Variants in ZNF385B observed in about 807,000 individuals in gnomAD.
The protein encoded by ZNF385B is zinc finger protein 533.
In ZNF385B, 23 loss-of-function variants were observed where a neutral mutation model predicts 39.2. The observed-to-expected ratio is 0.59, with a 90% CI of 0.42 to 0.83. The LOEUF (loss-of-function observed/expected upper bound fraction) is 0.83, where lower values mean the gene tolerates loss of function less well. ZNF385B is among the 40% of genes least tolerant of loss of function. ZNF385B has a pLI of 0.00. For synonymous variants in ZNF385B, 205 were observed against 222.6 expected, an observed-to-expected ratio of 0.92 and a Z score of 0.70; for missense variants, 552 against 598.9, an observed-to-expected ratio of 0.92 and a Z score of 0.82.
chr2:179,750,700 G>T (rs356406), intron 3 of ZNF385B, among the ~76,000 whole-genome samples: 6 of 151,956 alleles, frequency 3.9e-5, no homozygotes, highest in Non-Finnish European at 5.9e-5. Context: ...TCTATGAAAC[G>T]AGTTTTCTGA....
chr2:179,621,909 A>G (rs1356539743), intron 3 of ZNF385B, among the ~76,000 whole-genome samples: 1 of 152,182 alleles, frequency 6.6e-6, no homozygotes, highest in Non-Finnish European at 1.5e-5. Context: ...ATTACCTTCA[A>G]TTTGACAACA....
At chr2:179,714,188 G>A (rs1270751051) in intron 3 of ZNF385B, among the ~76,000 whole-genome samples, 3 of 152,034 alleles carry the variant, frequency 2.0e-5, no homozygotes, top group Admixed American at 6.6e-5. Context: ...GTAAGGGGCT[G>A]GAATAATACC....
chr2:179,751,742 AC>A (rs755212491), intron 3 of ZNF385B, among the ~76,000 whole-genome samples: 3 of 152,002 alleles, frequency 2.0e-5, no homozygotes, highest in Non-Finnish European at 2.9e-5. Context: ...ATTATGTATA[AC>A]ACTCCAACTG....
At chr2:179,806,919 A>T (rs532574960) in intron 1 of ZNF385B, among the ~76,000 whole-genome samples, 27 of 152,330 alleles carry the variant, frequency 1.8e-4, no homozygotes, top group African/African-American at 6.0e-4. Context: ...CAGAACATTT[A>T]AAAGTCTAAC....
intron 3 of ZNF385B, among the ~76,000 whole-genome samples, chr2:179,664,659 T>C (rs1039740521): frequency 2.6e-5 from 4 of 152,156 alleles, no homozygotes; most frequent in Non-Finnish European, 5.9e-5. Flanking sequence ...GTGTCTTGTA[T>C]TATGAAATAT....
chr2:179,543,889 A>T (rs2060072294), intron 4 of ZNF385B, among the ~76,000 whole-genome samples: 2 of 152,142 alleles, frequency 1.3e-5, no homozygotes, highest in Non-Finnish European at 2.9e-5. Flanking sequence ...CATACAGAAG[A>T]TAGGTTTGCA....
intron 6 of ZNF385B, among the ~76,000 whole-genome samples, chr2:179,455,866 C>T (rs867010195): frequency 5.5e-5 from 7 of 127,648 alleles, no homozygotes; most frequent in African/African-American, 9.2e-5. Context: ...GGAGATAGAG[C>T]GAGACTGCAT....
intron 3 of ZNF385B, among the ~76,000 whole-genome samples, chr2:179,561,546 T>G (rs1192890179): frequency 6.6e-6 from 1 of 151,610 alleles, no homozygotes; most frequent in Non-Finnish European, 1.5e-5. Context: ...GAGATAAAAA[T>G]ATCTTCCTGG....
At chr2:179,646,665 A>C (rs181222217) in intron 3 of ZNF385B, among the ~76,000 whole-genome samples, 1 of 152,300 alleles carries the variant, frequency 6.6e-6, no homozygotes, top group East Asian at 1.9e-4. Context: ...ATTTGGTGTA[A>C]TGAAAGACAC....
At position 179,861,261 on chromosome 2, in the gene ZNF385B, A is replaced by C. The variant is rs1685042578; in HGVS notation, c.-315T>G. The C allele has an allele frequency of 1.9e-5, 3 of 159,744 alleles. No individual in the cohort carries two copies. Among genetic ancestry groups the C allele is most frequent in the Non-Finnish European group, 4.0e-5 (3 of 74,144 alleles). 9.9% of individuals were successfully genotyped at this position (159,744 alleles called of 1,614,324 possible). A position where few individuals can be genotyped will look rare whatever the true frequency, so the allele number is the denominator to read the frequency against. Reference sequence around the variant, plus strand: ...CAGCCCAGGCGGTGGCGGTGGCGGTAGCAGCGGCGGCGGTGGAGGTGGCGC... The same window carrying C: ...CAGCCCAGGCGGTGGCGGTGGCGGTCGCAGCGGCGGCGGTGGAGGTGGCGC... On this transcript the variant is annotated 5_prime_UTR_variant, in exon 1 of 10. Transcript: ENST00000410066.
At chr2:179,511,524 T>C (rs911206746) in intron 5 of ZNF385B, among the ~76,000 whole-genome samples, 1 of 152,156 alleles carries the variant, frequency 6.6e-6, no homozygotes, top group African/African-American at 2.4e-5. Context: ...ACAAAATGCA[T>C]AGTGAGGTGG....
chr2:179,618,550 G>A (rs1689948014), intron 3 of ZNF385B, among the ~76,000 whole-genome samples: 1 of 152,014 alleles, frequency 6.6e-6, no homozygotes, highest in African/African-American at 2.4e-5. Context: ...GGTATCTTCT[G>A]GTTGATTTGT....
rs544970351 is a variant in ZNF385B, at chr2:179,518,650, AT to A, written c.442-13del. 2.0e-6 allele frequency: 3 copies of A among 1,525,198 alleles called. No homozygotes were observed. In the South Asian group the frequency reaches 3.7e-5, roughly 19 times the overall value. The allele number at this position is 1,525,198 out of a possible 1,614,324, so 94.5% of individuals were successfully genotyped here. On this transcript the variant is annotated splice_polypyrimidine_tract_variant and intron_variant, in intron 4 of 9. Coordinates refer to ENST00000410066, the MANE Select transcript of ZNF385B (RefSeq NM_152520.6). The stretch of plus-strand genomic sequence containing the variant: ...TGCACAGGATCCATCTGAAGAACAA[AT>A]GAAAAAATAGTCAATTTGTAACTTC...
chr2:179,765,190 C>T (rs1703617586), intron 3 of ZNF385B, among the ~76,000 whole-genome samples: 1 of 152,176 alleles, frequency 6.6e-6, no homozygotes, highest in Non-Finnish European at 1.5e-5. Flanking sequence ...TCTATTCTTT[C>T]CATTGTTCTT....
chr2:179,745,769 A>G (rs1475242292), intron 3 of ZNF385B: 3 of 1,535,010 alleles, frequency 2.0e-6, no homozygotes, highest in Non-Finnish European at 2.6e-6. Context: ...TTCAAGAGCA[A>G]CCAAGTTGGA....
chr2:179,732,990 C>G (rs928580718), intron 3 of ZNF385B, among the ~76,000 whole-genome samples: 2 of 152,058 alleles, frequency 1.3e-5, no homozygotes, highest in Admixed American at 6.6e-5. Context: ...TCCCCAAGAC[C>G]CTTAATGTTT....
intron 5 of ZNF385B, among the ~76,000 whole-genome samples, chr2:179,492,543 T>C (rs1466594276): frequency 3.3e-5 from 5 of 152,166 alleles, no homozygotes; most frequent in African/African-American, 1.2e-4. Flanking sequence ...CTCCTTTTGT[T>C]TGACAAACAA....
intron 3 of ZNF385B, among the ~76,000 whole-genome samples, chr2:179,596,739 CCATCTTTTGT>C (rs1195919933): frequency 6.6e-6 from 1 of 152,146 alleles, no homozygotes; most frequent in Non-Finnish European, 1.5e-5. Context: ...CTTACTTTTA[CCATCTTTTGT>C]CATCTGAATA....
intron 3 of ZNF385B, among the ~76,000 whole-genome samples, chr2:179,732,831 C>T (rs1391874323): frequency 6.6e-6 from 1 of 152,140 alleles, no homozygotes; most frequent in South Asian, 2.1e-4. Flanking sequence ...CTCAGTGCAG[C>T]ATTGAATACT....
Sources: gnomAD v4.1 joint callset for allele counts (sites outside exome capture counted in the v4.1 genomes callset) on GRCh38, gnomAD v4.1.1 for gene constraint, MANE v1.5 for transcripts, NCBI Gene and HGNC (gene_info 2026-07-23, HGNC 2026-07-21) for gene names.